The following EXOSC7 variants were observed in gnomAD, a reference collection of about 807,000 sequenced individuals.
EXOSC7 encodes the protein exosome component 7.
A neutral mutation model predicts 34.3 loss-of-function variants in EXOSC7; 25 were observed. That is an observed-to-expected ratio of 0.73 (90% CI 0.53 to 1.02). The LOEUF (loss-of-function observed/expected upper bound fraction) is 1.02. Among genes scored for constraint, EXOSC7 ranks in the 50% least tolerant of loss-of-function variants. The pLI is 0.00. For synonymous variants in EXOSC7, 130 were observed against 143.0 expected, an observed-to-expected ratio of 0.91 and a Z score of 0.65; for missense variants, 370 against 368.5, an observed-to-expected ratio of 1.00 and a Z score of -0.03.
chr3:45,005,682 C>T (rs1707016137), intron 6 of EXOSC7, among the ~76,000 whole-genome samples: 1 of 152,190 alleles, frequency 6.6e-6, no homozygotes, highest in Non-Finnish European at 1.5e-5. Flanking sequence ...TAAGCTCCTT[C>T]CACATACCAT....
chr3:44,995,155 G>A (rs1381807666), intron 3 of EXOSC7, among the ~76,000 whole-genome samples: 1 of 152,024 alleles, frequency 6.6e-6, no homozygotes, highest in Non-Finnish European at 1.5e-5. Flanking sequence ...GATAATTTTT[G>A]TATTATTAGT....
rs188007040 is a variant in EXOSC7 at position 44,992,435 on chromosome 3, T to C, written c.254+2791T>C. ...ACCCATTTCACTTGGTTTTGTCTACTTGGGATGATAATACATGGAGCCAAG... is the reference window on the plus strand; with the variant it reads ...ACCCATTTCACTTGGTTTTGTCTACCTGGGATGATAATACATGGAGCCAAG... On this transcript the variant is annotated intron_variant, in intron 3 of 7. Transcript: ENST00000265564. Among the ~76,000 whole-genome samples the C allele has an allele frequency of 3.3e-5, 5 of 152,342 alleles. No homozygotes were observed. In the East Asian group the frequency reaches 7.7e-4, roughly 24 times the overall value.
At chr3:45,005,225 T>C (rs1208975107) in intron 5 of EXOSC7, 66 bp from the exon 6 acceptor site, 1 of 1,582,456 alleles carries the variant, frequency 6.3e-7, no homozygotes, top group Non-Finnish European at 8.7e-7. Context: ...ACTCCTATTC[T>C]CAATCTTAAA....
intron 3 of EXOSC7, among the ~76,000 whole-genome samples, chr3:44,994,243 A>G (rs1407875535): frequency 7.6e-6 from 1 of 131,042 alleles, no homozygotes; most frequent in African/African-American, 2.5e-5. Context: ...CATGCTAAAC[A>G]TTAAAAAAAA....
Position 45,005,292 on chromosome 3 carries a change from A to G in EXOSC7, c.493A>G (p.Ile165Val). ...AVKAALFNTR[I>V]PRVRVLEDEE... ...TTTTACTAGTGCTTCTGCTTCCAGG[A>G]TACCAAGGGTTCGAGTTTTGGAGGA... Residue 165 changes from isoleucine to valine, a missense_variant and splice_region_variant, in exon 6 of 8, where the codon ATA becomes GTA. Ile to Val is a conservative substitution (Grantham distance 29). Coordinates refer to ENST00000265564, the MANE Select transcript of EXOSC7 (RefSeq NM_015004.4). 1 of 1,614,108 alleles carries G rather than the reference A, an allele frequency of 6.2e-7. No individual in the cohort carries two copies. The highest frequency in any genetic ancestry group is 1.1e-5 in the South Asian group (1 of 91,084).
intron 1 of EXOSC7, among the ~76,000 whole-genome samples, chr3:44,987,863 A>G (rs1303020046): frequency 6.6e-6 from 1 of 152,226 alleles, no homozygotes; most frequent in East Asian, 1.9e-4. Flanking sequence ...CAAATAAGAA[A>G]CAGAGGAAGG....
At chr3:44,998,359 C>G (rs1430352747) in intron 4 of EXOSC7, among the ~76,000 whole-genome samples, 1 of 152,154 alleles carries the variant, frequency 6.6e-6, no homozygotes, top group Non-Finnish European at 1.5e-5. Flanking sequence ...AGGTGCAAAC[C>G]ACCGTGCCTG....
At chr3:45,000,520 C>T (rs1706845558) in intron 4 of EXOSC7, among the ~76,000 whole-genome samples, 1 of 152,216 alleles carries the variant, frequency 6.6e-6, no homozygotes, top group Admixed American at 6.5e-5. Flanking sequence ...GGATATGCCA[C>T]CTTCCAGTTA....
At chr3:44,982,423 C>A (rs1360527539) in intron 1 of EXOSC7, among the ~76,000 whole-genome samples, 2 of 152,134 alleles carry the variant, frequency 1.3e-5, no homozygotes, top group Admixed American at 1.3e-4. Context: ...ATGGCTATGA[C>A]CTGGACATTA....
At chr3:45,010,252 G>C (rs929316276) in intron 7 of EXOSC7, among the ~76,000 whole-genome samples, 1 of 152,090 alleles carries the variant, frequency 6.6e-6, no homozygotes, top group African/African-American at 2.4e-5. Flanking sequence ...ATATTGGGGT[G>C]GTGGTTGTTT....
At chr3:45,000,984 C>G (rs1051372269) in intron 4 of EXOSC7, among the ~76,000 whole-genome samples, 5 of 152,182 alleles carry the variant, frequency 3.3e-5, no homozygotes, top group African/African-American at 7.2e-5. Flanking sequence ...GTAAGCACAG[C>G]TATGACAAGG....
intron 3 of EXOSC7, among the ~76,000 whole-genome samples, chr3:44,992,959 A>G (rs1452053519): frequency 2.0e-5 from 3 of 152,194 alleles, no homozygotes; most frequent in African/African-American, 4.8e-5. Flanking sequence ...CTATTTTTCA[A>G]TGTGAACACT....
chr3:44,997,100 A>AC lies in EXOSC7; in HGVS notation c.272dup (p.Glu92Ter), dbSNP rs753611342. 8.1e-6 allele frequency: 13 copies of AC among 1,613,976 alleles called. No homozygotes were observed. Among genetic ancestry groups the AC allele is most frequent in the Non-Finnish European group, 2.5e-6 (3 of 1,180,022 alleles). ...TGTTTTGTATAGTTCAGCCAGTGCT[A>AC]CCCCTGAATTTGAAGGTAGAGGAGG... is the stretch of plus-strand genomic sequence containing the variant. On this transcript the variant is annotated frameshift_variant, in exon 4 of 8. Transcript: ENST00000265564. LOFTEE classifies it high-confidence loss of function.
intron 1 of EXOSC7, among the ~76,000 whole-genome samples, chr3:44,986,761 G>A (rs1277372336): frequency 3.9e-5 from 6 of 152,206 alleles, no homozygotes; most frequent in Non-Finnish European, 7.4e-5. Flanking sequence ...AAGTTAAACG[G>A]GTGAAAGACC....
At chr3:44,991,549 A>G (rs555972494) in intron 3 of EXOSC7, among the ~76,000 whole-genome samples, 1 of 152,140 alleles carries the variant, frequency 6.6e-6, no homozygotes, top group Non-Finnish European at 1.5e-5. Flanking sequence ...ATTCAGCCCA[A>G]CCACACCAAA....
chr3:45,008,982 A>C (rs1328976714), intron 7 of EXOSC7, among the ~76,000 whole-genome samples: 1 of 152,204 alleles, frequency 6.6e-6, no homozygotes, highest in East Asian at 1.9e-4. Flanking sequence ...TATTGTCCTC[A>C]TTTTTACAGA....
At chr3:44,986,440 A>G (rs1706418168) in intron 1 of EXOSC7, among the ~76,000 whole-genome samples, 2 of 151,688 alleles carry the variant, frequency 1.3e-5, no homozygotes, top group South Asian at 4.2e-4. Context: ...GCTGGCCCGC[A>G]AGCACTGCCC....
intron 3 of EXOSC7, among the ~76,000 whole-genome samples, chr3:44,993,790 C>A (rs573433190): frequency 6.6e-6 from 1 of 152,304 alleles, no homozygotes; most frequent in East Asian, 1.9e-4. Flanking sequence ...TGCATATGAG[C>A]AGGCAGCTAC....
intron 4 of EXOSC7, 39 bp downstream of exon 4, chr3:44,997,291 T>G: frequency 1.3e-6 from 2 of 1,566,542 alleles, no homozygotes; most frequent in South Asian, 1.2e-5. Context: ...ATTCTACCTT[T>G]GTTGGAAAGA....
Sources: allele counts gnomAD v4.1 joint callset (sites outside exome capture counted in the v4.1 genomes callset), GRCh38; gene constraint gnomAD v4.1.1; transcripts MANE v1.5; gene names NCBI Gene and HGNC (gene_info 2026-07-23, HGNC 2026-07-21).